CNTN5: variants seen among roughly 807,000 people sequenced by gnomAD.
The protein encoded by CNTN5 is contactin-5.
A neutral mutation model predicts 129.1 loss-of-function variants in CNTN5; 77 were observed. The observed-to-expected ratio is 0.60, with a 90% CI of 0.50 to 0.72. CNTN5 has a LOEUF of 0.72. CNTN5 is among the 30% of genes least tolerant of loss of function. CNTN5 has a pLI of 0.00. For synonymous variants in CNTN5, 509 were observed against 465.6 expected, an observed-to-expected ratio of 1.09 and a Z score of -1.20; for missense variants, 1,478 against 1,328.8, an observed-to-expected ratio of 1.11 and a Z score of -1.75.
chr11:99,434,111 G>C (rs1343165846), intron 2 of CNTN5, among the ~76,000 whole-genome samples: 4 of 152,150 alleles, frequency 2.6e-5, no homozygotes, highest in African/African-American at 9.6e-5. Context: ...CTGAAAAACA[G>C]GTGGTCTAAT....
chr11:99,583,756 T>G (rs1265808371), intron 3 of CNTN5, among the ~76,000 whole-genome samples: 1 of 152,164 alleles, frequency 6.6e-6, no homozygotes, highest in East Asian at 1.9e-4. Context: ...GGGAATTCCT[T>G]GACCCCTTGT....
chr11:99,274,859 C>T (rs951968780), intron 1 of CNTN5, among the ~76,000 whole-genome samples: 3 of 151,372 alleles, frequency 2.0e-5, no homozygotes, highest in African/African-American at 4.8e-5. Flanking sequence ...TACAATGCTG[C>T]CAGTGCTCAG....
chr11:100,024,324 C>A (rs574730535), intron 9 of CNTN5, among the ~76,000 whole-genome samples: 2 of 152,250 alleles, frequency 1.3e-5, no homozygotes, highest in South Asian at 2.1e-4. Flanking sequence ...GAGGCCTCCC[C>A]AGCCATGTGG....
chr11:100,095,538 G>T (rs143734852), intron 13 of CNTN5, among the ~76,000 whole-genome samples: 1 of 152,054 alleles, frequency 6.6e-6, no homozygotes, highest in Non-Finnish European at 1.5e-5. Context: ...GGTAATGTGC[G>T]TGGGTTCATT....
chr11:99,473,588 G>A (rs1210020844), intron 2 of CNTN5, among the ~76,000 whole-genome samples: 1 of 151,280 alleles, frequency 6.6e-6, no homozygotes, highest in Non-Finnish European at 1.5e-5. Context: ...CAAGATTCCT[G>A]TTCTCAACTT....
intron 9 of CNTN5, among the ~76,000 whole-genome samples, chr11:100,002,341 A>T (rs1348577436): frequency 6.6e-6 from 1 of 152,070 alleles, no homozygotes; most frequent in Non-Finnish European, 1.5e-5. Context: ...CAGTTTCTAT[A>T]ATTTTGCTAT....
chr11:99,494,769 G>C (rs777538733), intron 2 of CNTN5, among the ~76,000 whole-genome samples: 1 of 152,064 alleles, frequency 6.6e-6, no homozygotes, highest in Non-Finnish European at 1.5e-5. Flanking sequence ...TAAAGGTGTC[G>C]TTTGATTTTC....
intron 1 of CNTN5, among the ~76,000 whole-genome samples, chr11:99,133,829 C>G (rs10892805): frequency 0.25 from 38,549 of 152,008 alleles, 5,326 homozygotes; most frequent in Non-Finnish European, 0.31. Flanking sequence ...ATAGTTCGAC[C>G]ATTGTGGAAG....
intron 1 of CNTN5, among the ~76,000 whole-genome samples, chr11:99,027,111 G>A (rs1299969714): frequency 3.3e-5 from 5 of 150,078 alleles, no homozygotes; most frequent in Admixed American, 3.3e-4. Context: ...TTTTTTTTTT[G>A]ACAGTTTTAA....
chr11:100,055,920 T>C (rs138679737), intron 9 of CNTN5, among the ~76,000 whole-genome samples: 350 of 151,664 alleles, frequency 2.3e-3, no homozygotes, highest in Non-Finnish European at 3.8e-3. Context: ...TTACACCCTC[T>C]AGCTTTATAC....
chr11:99,833,021 A>G (rs1361509615), intron 4 of CNTN5, among the ~76,000 whole-genome samples: 3 of 152,214 alleles, frequency 2.0e-5, no homozygotes, highest in African/African-American at 7.2e-5. Flanking sequence ...TAAGCCTGAA[A>G]GGCAGATTTA....
chr11:100,127,636 T>A (rs1027040932), intron 13 of CNTN5, among the ~76,000 whole-genome samples: 4 of 148,416 alleles, frequency 2.7e-5, no homozygotes, highest in African/African-American at 1.0e-4. Context: ...ACAGACTTTC[T>A]GACTTTCTTT....
At chr11:99,631,709 C>A (rs1951358015) in intron 3 of CNTN5, among the ~76,000 whole-genome samples, 1 of 95,622 alleles carries the variant, frequency 1.0e-5, no homozygotes. Context: ...TGGGAAAACA[C>A]ACACAAAGAC....
chr11:99,132,512 C>T (rs938648110), intron 1 of CNTN5, among the ~76,000 whole-genome samples: 5 of 152,152 alleles, frequency 3.3e-5, no homozygotes, highest in African/African-American at 1.2e-4. Context: ...ACCCCATTGA[C>T]TCAGCCCAAA....
chr11:99,761,445 G>A (rs1944578698), intron 3 of CNTN5, among the ~76,000 whole-genome samples: 6 of 151,954 alleles, frequency 3.9e-5, no homozygotes, highest in Admixed American at 3.9e-4. Context: ...TCCCCAGAGT[G>A]TGATGTTCCC....
chr11:99,925,567 C>T (rs1214558560), intron 7 of CNTN5, among the ~76,000 whole-genome samples: 1 of 152,130 alleles, frequency 6.6e-6, no homozygotes, highest in Non-Finnish European at 1.5e-5. Context: ...TAAGCAACCC[C>T]TCATTCCCCT....
chr11:99,915,316 T>A (rs1032706202), intron 6 of CNTN5, among the ~76,000 whole-genome samples: 4 of 152,150 alleles, frequency 2.6e-5, no homozygotes, highest in Non-Finnish European at 4.4e-5. Flanking sequence ...CATTCCCTTT[T>A]GGACCATTTT....
At chr11:100,003,542 G>A (rs551726698) in intron 9 of CNTN5, among the ~76,000 whole-genome samples, 6 of 152,218 alleles carry the variant, frequency 3.9e-5, no homozygotes, top group African/African-American at 1.4e-4. Context: ...CACAAACAAA[G>A]GGAGGTCATA....
chr11:99,740,288 A>G (rs1943847265), intron 3 of CNTN5, among the ~76,000 whole-genome samples: 2 of 152,160 alleles, frequency 1.3e-5, no homozygotes, highest in East Asian at 1.9e-4. Flanking sequence ...AAAAATTTGT[A>G]CAATCTAGGG....
Sources: allele counts gnomAD v4.1 joint callset (sites outside exome capture counted in the v4.1 genomes callset), GRCh38; gene constraint gnomAD v4.1.1; transcripts MANE v1.5; gene names NCBI Gene and HGNC (gene_info 2026-07-23, HGNC 2026-07-21).